LUC7L: variants seen among roughly 807,000 people sequenced by gnomAD.
LUC7L encodes putative RNA-binding protein Luc7-like 1.
A neutral mutation model predicts 51.1 loss-of-function variants in LUC7L; 29 were observed. The ratio of observed to expected loss-of-function variants is 0.57; its 90% CI spans 0.42 to 0.77. The LOEUF is 0.77. Ranked by LOEUF, LUC7L falls within the 30% of genes least tolerant of loss-of-function variation. The pLI, the probability that LUC7L is intolerant of heterozygous loss-of-function variation, is 0.00. For missense variants in LUC7L, 403 were observed against 511.9 expected (o/e 0.79, Z 2.05); for synonymous variants, 181 against 180.7 (o/e 1.00, Z -0.01).
intron 7 of LUC7L, among the ~76,000 whole-genome samples, chr16:192,027 G>GT (rs1379880956): frequency 1.3e-5 from 2 of 152,050 alleles, no homozygotes; most frequent in Non-Finnish European, 1.5e-5. Context: ...CTCAAGCTGA[G>GT]TGTGGCCAGA....
At chr16:221,443 T>C (rs982301202) in intron 2 of LUC7L, among the ~76,000 whole-genome samples, 1 of 152,072 alleles carries the variant, frequency 6.6e-6, no homozygotes, top group Non-Finnish European at 1.5e-5. Context: ...GGCTCACGCC[T>C]GTAATCCCAG....
rs185658541 is a variant in LUC7L, at chr16:204,097, C to T, written c.510+1907G>A. 4.7e-3 allele frequency among the ~76,000 whole-genome samples: 714 copies of T among 151,916 alleles called. 6 individuals are homozygous for T. Among genetic ancestry groups the T allele is most frequent in the African/African-American group, 0.017 (691 of 41,412 alleles). ...AAGCATGAAATATTTAGGTAGAAAT[C>T]TAACAAAACATGCATGAGATCTTCA... On this transcript the variant is annotated intron_variant, in intron 5 of 9. Coordinates refer to ENST00000293872, the MANE Select transcript of LUC7L (RefSeq NM_201412.3).
rs778941857 is a variant in LUC7L, at chr16:193,008, A to G, written c.695T>C (p.Val232Ala). 2 of 1,612,718 alleles carry G rather than the reference A, an allele frequency of 1.2e-6. No individual in the cohort carries two copies. Among genetic ancestry groups the G allele is most frequent in the Non-Finnish European group, 1.7e-6 (2 of 1,179,854 alleles). Residue 232 changes from valine (V) to alanine (A), a missense_variant, in exon 7 of 10, where the codon GTC becomes GCC. Coordinates refer to ENST00000293872, the MANE Select transcript of LUC7L (RefSeq NM_201412.3). ...ATTTCTCTTCTCCTGCTTTTCAGCG[A>G]CAGTTTTCTAAATAAATGAAACAAA... ...REKLDQLRKTVAEKQEKRNQD... is the reference protein window; with the variant it reads ...REKLDQLRKTAAEKQEKRNQD...
intron 4 of LUC7L, 94 bp from the exon 5 acceptor site, chr16:206,241 A>G (rs927118362): frequency 1.6e-6 from 2 of 1,235,344 alleles, no homozygotes; most frequent in Non-Finnish European, 2.3e-6. Flanking sequence ...CCAGTCTGAA[A>G]ATAAGTGGAA....
Position 199,014 on chromosome 16 carries a change from A to G in LUC7L, c.687+48T>C, listed in dbSNP as rs535225017. The G allele has an allele frequency of 6.0e-6, 9 of 1,503,906 alleles. No individual in the cohort carries two copies. The East Asian group carries it at 1.9e-4, about 31-fold the overall frequency. 93.2% of individuals were successfully genotyped at this position (1,503,906 alleles called of 1,614,324 possible). ...GGTTTTTAAAAATTAAAGAAATGTG[A>G]AAACACCCCAAGACTCCTCAGCTTT... On this transcript the variant is annotated intron_variant, in intron 6 of 9. Transcript: ENST00000293872.
intron 3 of LUC7L, chr16:208,504 T>A (rs948660981): frequency 7.4e-6 from 4 of 539,846 alleles, no homozygotes; most frequent in Non-Finnish European, 1.0e-5. Context: ...TTGGCAGCAA[T>A]TCATAGAGTT....
chr16:218,540 G>C (rs2049874668), intron 3 of LUC7L, among the ~76,000 whole-genome samples: 2 of 152,084 alleles, frequency 1.3e-5, no homozygotes, highest in South Asian at 4.1e-4. Flanking sequence ...GGCCAACATG[G>C]CGAAACCACA....
At chr16:207,059 C>G (rs957837221) in intron 4 of LUC7L, among the ~76,000 whole-genome samples, 141 of 151,840 alleles carry the variant, frequency 9.3e-4, no homozygotes, top group African/African-American at 3.3e-3. Flanking sequence ...ATTAGCTGGG[C>G]GTGGTGGTGG....
At chr16:195,272 G>T (rs2049118488) in intron 6 of LUC7L, among the ~76,000 whole-genome samples, 1 of 151,536 alleles carries the variant, frequency 6.6e-6, no homozygotes, top group Non-Finnish European at 1.5e-5. Flanking sequence ...AAAAAAAAAT[G>T]AGCCAGATAT....
intron 5 of LUC7L, among the ~76,000 whole-genome samples, chr16:205,017 T>G (rs1224332016): frequency 6.6e-6 from 1 of 152,184 alleles, no homozygotes; most frequent in Non-Finnish European, 1.5e-5. Context: ...ACCCTTGAGC[T>G]CCACACAATG....
chr16:189,680 C>T (rs1298410387), intron 9 of LUC7L: 1 of 1,336,206 alleles, frequency 7.5e-7, no homozygotes, highest in Admixed American at 3.4e-5. Flanking sequence ...TAAGCAGGGC[C>T]TGGTCAGGAC....
intron 3 of LUC7L, among the ~76,000 whole-genome samples, chr16:216,491 T>C (rs1357992789): frequency 6.6e-6 from 1 of 150,434 alleles, no homozygotes; most frequent in Non-Finnish European, 1.5e-5. Flanking sequence ...CCAGTGATTC[T>C]CCTGCCTCAG....
At chr16:201,321 C>T (rs922798977) in intron 5 of LUC7L, among the ~76,000 whole-genome samples, 1 of 151,462 alleles carries the variant, frequency 6.6e-6, no homozygotes, top group Non-Finnish European at 1.5e-5. Context: ...ACTCTGTCCC[C>T]TTCTATAGTT....
At chr16:224,478 CA>C (rs780062484) in intron 2 of LUC7L, among the ~76,000 whole-genome samples, 1 of 146,424 alleles carries the variant, frequency 6.8e-6, no homozygotes, top group Non-Finnish European at 1.5e-5. Flanking sequence ...GAGATGGAGC[CA>C]TTACATTCCA....
intron 3 of LUC7L, among the ~76,000 whole-genome samples, chr16:216,421 T>C (rs2049802593): frequency 1.3e-5 from 2 of 148,664 alleles, no homozygotes; most frequent in Admixed American, 6.8e-5. Flanking sequence ...CTCGCTCGGT[T>C]GTCCAGGCTG....
At chr16:211,052 CAAA>C (rs572440490) in intron 3 of LUC7L, among the ~76,000 whole-genome samples, 1 of 122,100 alleles carries the variant, frequency 8.2e-6, no homozygotes. Context: ...CACTCCGTCT[CAAA>C]AAAAAAAAAA....
At chr16:201,325 T>C (rs1372539296) in intron 5 of LUC7L, among the ~76,000 whole-genome samples, 1 of 151,696 alleles carries the variant, frequency 6.6e-6, no homozygotes, top group African/African-American at 2.4e-5. Context: ...TGTCCCCTTC[T>C]ATAGTTTTGA....
chr16:191,517 G>GT (rs2049008753), intron 7 of LUC7L, among the ~76,000 whole-genome samples: 1 of 151,968 alleles, frequency 6.6e-6, no homozygotes, highest in Non-Finnish European at 1.5e-5. Flanking sequence ...CTTCTATACT[G>GT]TTTAAGTTTC....
chr16:222,162 T>A (rs1466839100), intron 2 of LUC7L, among the ~76,000 whole-genome samples: 4 of 152,050 alleles, frequency 2.6e-5, no homozygotes, highest in Non-Finnish European at 5.9e-5. Context: ...AAATCCTAAG[T>A]ATAGGACTCT....
Sources: allele counts gnomAD v4.1 joint callset (sites outside exome capture counted in the v4.1 genomes callset), GRCh38; gene constraint gnomAD v4.1.1; transcripts MANE v1.5; gene names NCBI Gene and HGNC (gene_info 2026-07-23, HGNC 2026-07-21).